The following RANBP9 variants were observed in gnomAD, a reference collection of about 807,000 sequenced individuals.
The protein encoded by RANBP9 is ran-binding protein 9.
RANBP9 carries 15 observed loss-of-function variants against 84.3 expected under a neutral mutation model. The ratio of observed to expected loss-of-function variants is 0.18; its 90% CI spans 0.12 to 0.27. RANBP9 has a LOEUF of 0.27. Among genes scored for constraint, RANBP9 ranks in the 10% least tolerant of loss-of-function variants. The probability of loss-of-function intolerance (pLI) is 1.00; values close to 1 mark genes in which losing one functional copy is unlikely to be tolerated. For synonymous variants in RANBP9, 392 were observed against 349.6 expected (o/e 1.12, Z -1.35); for missense variants, 809 against 912.8 (o/e 0.89, Z 1.46).
chr6:13,710,905 C>A (rs1377269572), intron 1 of RANBP9, 30 bp downstream of exon 1: 2 of 1,571,200 alleles, frequency 1.3e-6, no homozygotes, highest in Admixed American at 1.8e-5. Flanking sequence ...GTCAGTGCCC[C>A]ACTCCCACCG....
chr6:13,705,873 A>AC (rs1758100541), intron 1 of RANBP9, among the ~76,000 whole-genome samples: 1 of 151,250 alleles, frequency 6.6e-6, no homozygotes, highest in Non-Finnish European at 1.5e-5. Context: ...CGTCTCAAAA[A>AC]AAAAAAAAAA....
Position 13,634,432 on chromosome 6 carries a change from C to T in RANBP9, c.1794G>A (p.Met598Ile). The T allele has an allele frequency of 6.2e-7, 1 of 1,613,184 alleles. No individual in the cohort carries two copies. ...AATGTAAGAAATATCACTGCAGACCCATTTCGGTGTCACAATCTTCCATTT... is the reference window on the plus strand; with the variant it reads ...AATGTAAGAAATATCACTGCAGACCTATTTCGGTGTCACAATCTTCCATTT... ...DHEMEDCDTE[M>I]EVDSSQLRRQ... Residue 598 changes from methionine (M) to isoleucine (I), a missense_variant and splice_region_variant, in exon 11 of 14, where the codon ATG becomes ATA. Physicochemically the swap from Met to Ile is conservative, Grantham distance 10. Around this residue, in one of 5 missense-constraint regions of RANBP9, gnomAD observed 233 missense variants for 234.4 expected, o/e 0.99. Transcript: ENST00000011619.
At chr6:13,705,503 A>G (rs1170810808) in intron 1 of RANBP9, among the ~76,000 whole-genome samples, 1 of 151,808 alleles carries the variant, frequency 6.6e-6, no homozygotes, top group Non-Finnish European at 1.5e-5. Context: ...GCAGTTACCA[A>G]CTGGCATTTT....
chr6:13,711,189 G>A lies in RANBP9; in HGVS notation c.317C>T (p.Pro106Leu). Reference protein sequence around the residue: ...AAPASGPPAPPGLAAGPGPAG... With the variant: ...AAPASGPPAPLGLAAGPGPAG... Reference sequence around the variant, plus strand: ...CGGGCCGGGGCCCGCTGCAAGGCCCGGGGGAGCGGGCGGCCCGCTGGCGGG... The same window carrying A: ...CGGGCCGGGGCCCGCTGCAAGGCCCAGGGGAGCGGGCGGCCCGCTGGCGGG... The change falls in exon 1 of 14, where the codon CCG (proline) becomes CTG (leucine). Residue 106 changes from proline to leucine, a missense_variant. Physicochemically the swap from Pro to Leu is moderately conservative, Grantham distance 98 (BLOSUM62 -3). Around this residue, in one of 5 missense-constraint regions of RANBP9, gnomAD observed 302 missense variants for 240.1 expected, o/e 1.26. Coordinates refer to ENST00000011619, the MANE Select transcript of RANBP9 (RefSeq NM_005493.3). 7.9e-7 allele frequency: 1 copy of A among 1,259,774 alleles called. No individual in the cohort carries two copies. Among genetic ancestry groups the A allele is most frequent in the Non-Finnish European group, 1.0e-6 (1 of 1,003,602 alleles). The allele number at this position is 1,259,774 out of a possible 1,614,324, so 78.0% of individuals were successfully genotyped here. A position where few individuals can be genotyped will look rare whatever the true frequency, so the allele number is the denominator to read the frequency against.
chr6:13,632,954 A>C (rs553825223), intron 11 of RANBP9, among the ~76,000 whole-genome samples: 163 of 152,296 alleles, frequency 1.1e-3, no homozygotes, highest in Non-Finnish European at 1.6e-3. Context: ...AATGACTACA[A>C]TAAAAATACA....
chr6:13,646,612 C>A (rs1765180754), intron 5 of RANBP9, among the ~76,000 whole-genome samples: 1 of 152,088 alleles, frequency 6.6e-6, no homozygotes, highest in African/African-American at 2.4e-5. Context: ...AATTTTCTTA[C>A]AAATTCAGAA....
At chr6:13,698,325 G>A (rs549537723) in intron 1 of RANBP9, among the ~76,000 whole-genome samples, 1 of 152,164 alleles carries the variant, frequency 6.6e-6, no homozygotes, top group Non-Finnish European at 1.5e-5. Context: ...TTCAACATAT[G>A]ATGCAGGTAA....
intron 8 of RANBP9, among the ~76,000 whole-genome samples, chr6:13,640,767 G>C (rs1194525966): frequency 1.3e-5 from 2 of 152,138 alleles, no homozygotes; most frequent in Non-Finnish European, 2.9e-5. Flanking sequence ...GTGTTTAATA[G>C]AGAGTTTCAG....
intron 1 of RANBP9, among the ~76,000 whole-genome samples, chr6:13,708,447 A>T (rs1246833778): frequency 6.6e-6 from 1 of 152,048 alleles, no homozygotes; most frequent in Non-Finnish European, 1.5e-5. Flanking sequence ...CAAAAACACC[A>T]GAACAACAAC....
chr6:13,686,175 G>A (rs190063964), intron 2 of RANBP9, among the ~76,000 whole-genome samples: 47 of 129,224 alleles, frequency 3.6e-4, no homozygotes, highest in African/African-American at 1.4e-3. Context: ...CAGAAACACA[G>A]TTCACTGCAG....
chr6:13,677,314 T>C (rs999344222), intron 2 of RANBP9, among the ~76,000 whole-genome samples: 4 of 152,070 alleles, frequency 2.6e-5, no homozygotes, highest in African/African-American at 4.8e-5. Context: ...ATTGATACCA[T>C]AAAAACTATA....
rs753006151 is a variant in RANBP9 at position 13,621,641 on chromosome 6, A to G, written c.*721T>C. ...AATTGACTAAATATTTGGTTTTTAT[A>G]TAAATAAAGGTCATAACCACACCGT... On this transcript the variant is annotated 3_prime_UTR_variant, in exon 14 of 14. Coordinates refer to ENST00000011619, the MANE Select transcript of RANBP9 (RefSeq NM_005493.3). 4 of 152,654 alleles carry G rather than the reference A, an allele frequency of 2.6e-5. No individual in the cohort carries two copies. Among genetic ancestry groups the G allele is most frequent in the Non-Finnish European group, 5.9e-5 (4 of 68,030 alleles). The allele number at this position is 152,654 out of a possible 1,614,324, so 9.5% of individuals were successfully genotyped here.
chr6:13,625,473 A>G (rs1764575970), intron 13 of RANBP9, among the ~76,000 whole-genome samples, 180 bp downstream of exon 13: 1 of 152,278 alleles, frequency 6.6e-6, no homozygotes, highest in African/African-American at 2.4e-5. Context: ...TATTCTATTT[A>G]AATCCACTTG....
At position 13,691,002 on chromosome 6, in the gene RANBP9, C is replaced by A. The variant is rs145953520; in HGVS notation, c.683+5783G>T. Among the ~76,000 whole-genome samples, 503 of 151,852 alleles carry A rather than the reference C, an allele frequency of 3.3e-3. 2 individuals carry two copies. Among genetic ancestry groups the A allele is most frequent in the African/African-American group, 0.012 (490 of 41,408 alleles). ...GCCAACATGGTGAAACCCCATCTCT[C>A]CTGAAAATACAAAAATTAGCTGGGT... On this transcript the variant is annotated intron_variant, in intron 2 of 13. Transcript: ENST00000011619.
chr6:13,710,911 C>T (rs1242089299), intron 1 of RANBP9, 24 bp downstream of exon 1: 3 of 1,579,428 alleles, frequency 1.9e-6, no homozygotes, highest in Non-Finnish European at 2.6e-6. Context: ...GCCCCACTCC[C>T]ACCGCAGGAC....
At chr6:13,633,401 A>G (rs1172019297) in intron 11 of RANBP9, among the ~76,000 whole-genome samples, 6 of 152,258 alleles carry the variant, frequency 3.9e-5, no homozygotes, top group Admixed American at 3.3e-4. Context: ...ATAAGTCATT[A>G]AAAATAAGGT....
intron 2 of RANBP9, among the ~76,000 whole-genome samples, chr6:13,684,387 G>T (rs1238158046): frequency 6.6e-6 from 1 of 152,118 alleles, no homozygotes; most frequent in Non-Finnish European, 1.5e-5. Flanking sequence ...GCTCCGTGCT[G>T]ATTTCATTTT....
At chr6:13,690,280 AG>A (rs1766294000) in intron 2 of RANBP9, among the ~76,000 whole-genome samples, 1 of 152,238 alleles carries the variant, frequency 6.6e-6, no homozygotes, top group Non-Finnish European at 1.5e-5. Flanking sequence ...GCTATATCAT[AG>A]GTGTTCAACA....
chr6:13,642,348 A>C (rs1765087275), intron 7 of RANBP9, 131 bp downstream of exon 7: 2 of 361,026 alleles, frequency 5.5e-6, no homozygotes, highest in South Asian at 1.7e-4. Context: ...TGAAAATAAA[A>C]TTCAGAGGCA....
Sources: gnomAD v4.1 joint callset for allele counts (sites outside exome capture counted in the v4.1 genomes callset) on GRCh38, gnomAD v4.1.1 for gene constraint, gnomAD v4.1.1 regional missense constraint, MANE v1.5 for transcripts, NCBI Gene and HGNC (gene_info 2026-07-23, HGNC 2026-07-21) for gene names.